SYT14: variants seen among roughly 807,000 people sequenced by gnomAD.
SYT14 encodes the protein synaptotagmin-14.
In SYT14, 32 loss-of-function variants were observed where a neutral mutation model predicts 74.2. The observed-to-expected ratio is 0.43, with a 90% CI of 0.33 to 0.58. SYT14 has a LOEUF of 0.58. Ranked by LOEUF, SYT14 falls within the 20% of genes least tolerant of loss-of-function variation. SYT14 has a pLI of 0.05. For synonymous variants in SYT14, 298 were observed against 337.7 expected (o/e 0.88, Z 1.29); for missense variants, 791 against 981.8 (o/e 0.81, Z 2.60).
chr1:210,111,167 C>T (rs552118496), intron 7 of SYT14, among the ~76,000 whole-genome samples: 3 of 152,152 alleles, frequency 2.0e-5, no homozygotes, highest in East Asian at 3.9e-4. Flanking sequence ...TGGGTGCAGG[C>T]GGGCTGAGTC....
At chr1:210,050,714 A>C (rs1467749654) in intron 5 of SYT14, among the ~76,000 whole-genome samples, 2 of 152,198 alleles carry the variant, frequency 1.3e-5, no homozygotes, top group African/African-American at 2.4e-5. Context: ...GGCAGACAAG[A>C]GAAGAGAGCT....
chr1:209,979,357 A>G (rs1226196828), intron 2 of SYT14, among the ~76,000 whole-genome samples: 4 of 151,922 alleles, frequency 2.6e-5, no homozygotes, highest in African/African-American at 9.7e-5. Context: ...CACCTGATAG[A>G]TCTTTCTTCC....
intron 5 of SYT14, among the ~76,000 whole-genome samples, chr1:210,050,142 C>G (rs564808601): frequency 1.3e-5 from 2 of 152,236 alleles, no homozygotes; most frequent in Non-Finnish European, 2.9e-5. Flanking sequence ...TTTAAAACTG[C>G]CTTTAACAGC....
intron 7 of SYT14, among the ~76,000 whole-genome samples, chr1:210,122,138 C>T (rs1359859621): frequency 1.5e-5 from 1 of 66,952 alleles, no homozygotes; most frequent in Non-Finnish European, 2.6e-5. Flanking sequence ...CCACTACGCC[C>T]GGCTAATTTT....
chr1:210,060,847 G>T (rs1052620462), intron 5 of SYT14, among the ~76,000 whole-genome samples: 2 of 151,826 alleles, frequency 1.3e-5, no homozygotes, highest in Admixed American at 1.3e-4. Context: ...ATGTTTTTCT[G>T]CTATTTTCTT....
At chr1:210,053,286 G>A (rs1160340403) in intron 5 of SYT14, among the ~76,000 whole-genome samples, 1 of 152,174 alleles carries the variant, frequency 6.6e-6, no homozygotes, top group Non-Finnish European at 1.5e-5. Flanking sequence ...CTGTTTAAGA[G>A]AAGATTAACG....
At chr1:209,994,822 T>A (rs1258176312) in intron 2 of SYT14, among the ~76,000 whole-genome samples, 1 of 152,156 alleles carries the variant, frequency 6.6e-6, no homozygotes, top group Non-Finnish European at 1.5e-5. Flanking sequence ...CAGAAGAAAT[T>A]GGGGGCCTAT....
chr1:209,952,377 G>A (rs1025258636), intron 1 of SYT14, among the ~76,000 whole-genome samples: 15 of 152,116 alleles, frequency 9.9e-5, no homozygotes, highest in Admixed American at 7.9e-4. Flanking sequence ...AGATACAAAA[G>A]TGGGTCCTCT....
intron 2 of SYT14, among the ~76,000 whole-genome samples, chr1:210,002,926 A>G (rs558917397): frequency 1.5e-3 from 232 of 152,232 alleles, no homozygotes; most frequent in Non-Finnish European, 2.5e-3. Flanking sequence ...GATGATCAGA[A>G]ATTTTAAATT....
At chr1:210,026,805 T>C (rs2080423818) in intron 5 of SYT14, among the ~76,000 whole-genome samples, 1 of 152,124 alleles carries the variant, frequency 6.6e-6, no homozygotes, top group Non-Finnish European at 1.5e-5. Context: ...ATAGATTGTT[T>C]ATATTTCCTT....
At chr1:210,104,713 A>C (rs1025134859) in intron 7 of SYT14, among the ~76,000 whole-genome samples, 7 of 152,110 alleles carry the variant, frequency 4.6e-5, no homozygotes, top group Non-Finnish European at 8.8e-5. Context: ...ATATTATTAC[A>C]TTTATTGATT....
intron 7 of SYT14, among the ~76,000 whole-genome samples, chr1:210,122,808 G>T (rs1238229549): frequency 1.3e-5 from 2 of 152,154 alleles, no homozygotes; most frequent in Non-Finnish European, 2.9e-5. Flanking sequence ...ACCGTGAATT[G>T]TAAGATTAAT....
intron 5 of SYT14, among the ~76,000 whole-genome samples, chr1:210,056,137 C>T (rs369600164): frequency 2.1e-4 from 32 of 152,156 alleles, no homozygotes; most frequent in African/African-American, 7.5e-4. Context: ...AGTTTATGTT[C>T]TTTAAAGTAC....
chr1:210,099,974 G>C (rs1328723707), intron 6 of SYT14, 38 bp from the exon 6 acceptor site: 32 of 1,565,594 alleles, frequency 2.0e-5, no homozygotes, highest in Non-Finnish European at 2.6e-5. Flanking sequence ...TTAAATAATT[G>C]AGTTAAAAAC....
intron 7 of SYT14, among the ~76,000 whole-genome samples, chr1:210,122,971 C>T (rs912120049): frequency 1.3e-5 from 2 of 152,162 alleles, no homozygotes; most frequent in African/African-American, 4.8e-5. Flanking sequence ...TTCCTAAATA[C>T]TCAACTGTGT....
intron 1 of SYT14, among the ~76,000 whole-genome samples, chr1:209,944,211 T>C (rs1341692770): frequency 1.3e-5 from 2 of 152,230 alleles, no homozygotes; most frequent in Non-Finnish European, 2.9e-5. Flanking sequence ...TTTTGTTTTA[T>C]TGTCAGTTGA....
intron 2 of SYT14, among the ~76,000 whole-genome samples, chr1:209,999,435 C>T (rs1379082459): frequency 1.3e-5 from 2 of 152,018 alleles, no homozygotes; most frequent in African/African-American, 4.8e-5. Flanking sequence ...ATTAGTTTAT[C>T]AGTGGGATAC....
chr1:210,134,457 G>A (rs2082740659), intron 7 of SYT14, among the ~76,000 whole-genome samples: 1 of 152,022 alleles, frequency 6.6e-6, no homozygotes. Flanking sequence ...TTGAACATCT[G>A]TATCTAAGTT....
At chr1:210,159,870 T>C (rs2083338720) in intron 9 of SYT14, among the ~76,000 whole-genome samples, 1 of 152,268 alleles carries the variant, frequency 6.6e-6, no homozygotes, top group African/African-American at 2.4e-5. Flanking sequence ...AACAGTCTTA[T>C]AAAGAAAGGA....
Sources: allele counts gnomAD v4.1 joint callset (sites outside exome capture counted in the v4.1 genomes callset), GRCh38; gene constraint gnomAD v4.1.1; transcripts MANE v1.5; gene names NCBI Gene and HGNC (gene_info 2026-07-23, HGNC 2026-07-21).